The following PCDH9 variants were observed in gnomAD, a reference collection of about 807,000 sequenced individuals.
PCDH9 encodes protocadherin-9.
Under a neutral mutation model 70.6 loss-of-function variants are expected in PCDH9, and 24 were observed. The ratio of observed to expected loss-of-function variants is 0.34; its 90% CI spans 0.25 to 0.48. The LOEUF (loss-of-function observed/expected upper bound fraction) is 0.48. Ranked by LOEUF, PCDH9 falls within the 20% of genes least tolerant of loss-of-function variation. PCDH9 has a pLI of 0.99. For missense variants in PCDH9, 1,281 were observed against 1,503.6 expected (o/e 0.85, Z 2.45); for synonymous variants, 562 against 558.5 (o/e 1.01, Z -0.09).
intron 2 of PCDH9, among the ~76,000 whole-genome samples, chr13:67,059,391 A>AGTATATATAGT (rs1379502002): frequency 2.7e-5 from 4 of 146,808 alleles, no homozygotes; most frequent in Non-Finnish European, 4.5e-5. Flanking sequence ...TATAGTATAT[A>AGTATATATAGT]GTATATATAG....
At chr13:66,493,590 A>C (rs1183773975) in intron 4 of PCDH9, among the ~76,000 whole-genome samples, 1 of 152,160 alleles carries the variant, frequency 6.6e-6, no homozygotes. Flanking sequence ...AATGCAAATA[A>C]CTGAACATCA....
At position 67,054,967 on chromosome 13, in the gene PCDH9, C is replaced by T. The variant is rs537414220; in HGVS notation, c.3037-151362G>A. Among the ~76,000 whole-genome samples the T allele has an allele frequency of 6.6e-5, 10 of 152,274 alleles. No homozygotes were observed. The South Asian group carries it at 1.7e-3, about 25-fold the overall frequency. On this transcript the variant is annotated intron_variant, in intron 2 of 4. Transcript: ENST00000377865. ...TAAGCACAGCTCTATTTGCTTAGAA[C>T]GTCAGAAAACCGTATGATTTTAAAT...
chr13:67,000,147 C>T (rs1448795817), intron 2 of PCDH9, among the ~76,000 whole-genome samples: 2 of 152,010 alleles, frequency 1.3e-5, no homozygotes, highest in Non-Finnish European at 1.5e-5. Context: ...GAATACTATG[C>T]AGCCATAAAA....
At chr13:66,547,262 G>A (rs538396196) in intron 4 of PCDH9, among the ~76,000 whole-genome samples, 21 of 152,306 alleles carry the variant, frequency 1.4e-4, no homozygotes, top group African/African-American at 4.3e-4. Flanking sequence ...AGAGCCAAGA[G>A]TGCCTTAGGC....
intron 3 of PCDH9, among the ~76,000 whole-genome samples, chr13:66,759,992 C>A (rs1324548764): frequency 1.3e-5 from 2 of 152,142 alleles, no homozygotes; most frequent in Non-Finnish European, 2.9e-5. Context: ...AATTTTCTCT[C>A]AGATTAAGTA....
At chr13:66,736,703 T>C (rs369085113) in intron 3 of PCDH9, among the ~76,000 whole-genome samples, 6 of 152,346 alleles carry the variant, frequency 3.9e-5, no homozygotes, top group African/African-American at 1.4e-4. Flanking sequence ...TCCTCAAGCA[T>C]GGATTTCATA....
intron 3 of PCDH9, among the ~76,000 whole-genome samples, chr13:66,738,617 C>G (rs2079198277): frequency 7.1e-6 from 1 of 141,640 alleles, no homozygotes; most frequent in Admixed American, 7.2e-5. Context: ...GAATGTATAA[C>G]TAGAAGAACC....
chr13:66,669,918 T>C (rs1158800898), intron 3 of PCDH9, among the ~76,000 whole-genome samples: 1 of 152,194 alleles, frequency 6.6e-6, no homozygotes, highest in East Asian at 1.9e-4. Flanking sequence ...AATGATCATA[T>C]TTGTTCAAAA....
chr13:66,663,035 C>T (rs764358264), intron 3 of PCDH9, among the ~76,000 whole-genome samples: 5 of 151,960 alleles, frequency 3.3e-5, no homozygotes, highest in Non-Finnish European at 5.9e-5. Context: ...TTCTTTTTCC[C>T]AATTAACTAT....
intron 3 of PCDH9, among the ~76,000 whole-genome samples, chr13:66,700,790 C>A (rs905829879): frequency 6.6e-6 from 1 of 151,608 alleles, no homozygotes; most frequent in Non-Finnish European, 1.5e-5. Context: ...CTCATACAGA[C>A]TTTCAAAATA....
At chr13:66,736,467 C>A (rs1041708297) in intron 3 of PCDH9, among the ~76,000 whole-genome samples, 2 of 152,186 alleles carry the variant, frequency 1.3e-5, no homozygotes, top group African/African-American at 4.8e-5. Flanking sequence ...TATACCCATA[C>A]CTCGACCTTG....
chr13:66,773,586 C>A (rs1006643124), intron 3 of PCDH9, among the ~76,000 whole-genome samples: 3 of 149,848 alleles, frequency 2.0e-5, no homozygotes, highest in Non-Finnish European at 4.4e-5. Context: ...GCCGAGATTG[C>A]GCTACTGCAC....
At chr13:66,441,633 G>A (rs118070162) in intron 4 of PCDH9, among the ~76,000 whole-genome samples, 2,322 of 151,960 alleles carry the variant, frequency 0.015, 32 homozygotes, top group Non-Finnish European at 0.023. Context: ...CAAAGCTAAC[G>A]AGTTCTCTTT....
intron 3 of PCDH9, among the ~76,000 whole-genome samples, chr13:66,824,651 G>GATATATATATATAT (rs67211029): frequency 1.2e-4 from 12 of 99,068 alleles, no homozygotes; most frequent in African/African-American, 1.9e-4. Context: ...GCGAAACTCT[G>GATATATATATATAT]ATATATATAT....
chr13:66,466,474 C>G (rs757175322), intron 4 of PCDH9, among the ~76,000 whole-genome samples: 1 of 152,048 alleles, frequency 6.6e-6, no homozygotes, highest in Non-Finnish European at 1.5e-5. Context: ...CATCTTCCAA[C>G]TATTTGTTGC....
At chr13:66,457,846 T>C (rs1402728656) in intron 4 of PCDH9, among the ~76,000 whole-genome samples, 1 of 151,850 alleles carries the variant, frequency 6.6e-6, no homozygotes, top group African/African-American at 2.4e-5. Context: ...GTGATTTTTT[T>C]GGGGGGGATA....
intron 4 of PCDH9, among the ~76,000 whole-genome samples, chr13:66,317,117 A>G (rs988338106): frequency 6.6e-6 from 1 of 152,178 alleles, no homozygotes; most frequent in Non-Finnish European, 1.5e-5. Flanking sequence ...TATAAGCACC[A>G]TGAAATCACA....
chr13:66,435,504 A>G (rs56158307), intron 4 of PCDH9, among the ~76,000 whole-genome samples: 6 of 152,168 alleles, frequency 3.9e-5, no homozygotes, highest in African/African-American at 1.4e-4. Context: ...TTGGAGTTTC[A>G]AAGTCACTAA....
chr13:66,318,372 G>A (rs1955692042), intron 4 of PCDH9, among the ~76,000 whole-genome samples: 1 of 152,132 alleles, frequency 6.6e-6, no homozygotes, highest in South Asian at 2.1e-4. Context: ...TTTATTAGTA[G>A]TGTGACGAGC....
Sources: allele counts gnomAD v4.1 joint callset (sites outside exome capture counted in the v4.1 genomes callset), GRCh38; gene constraint gnomAD v4.1.1; transcripts MANE v1.5; gene names NCBI Gene and HGNC (gene_info 2026-07-23, HGNC 2026-07-21).